The following VWA5B1 variants were observed in gnomAD, a reference collection of about 807,000 sequenced individuals.
The protein encoded by VWA5B1 is von Willebrand factor A domain-containing protein 5B1.
In VWA5B1, 115 loss-of-function variants were observed where a neutral mutation model predicts 118.2. The observed-to-expected ratio is 0.97, with a 90% confidence interval of 0.84 to 1.14. VWA5B1 has a LOEUF of 1.14. VWA5B1 is among the 50% of genes most tolerant of loss of function. VWA5B1 has a pLI of 0.00. For synonymous variants in VWA5B1, 682 were observed against 658.4 expected (o/e 1.04, Z -0.55); for missense variants, 1,596 against 1,603.8 (o/e 1.00, Z 0.08).
intron 12 of VWA5B1, among the ~76,000 whole-genome samples, chr1:20,334,814 GA>G (rs1334210320): frequency 6.6e-6 from 1 of 150,632 alleles, no homozygotes; most frequent in East Asian, 1.9e-4. Flanking sequence ...CTGTCTCCAA[GA>G]AAAAAAAATT....
chr1:20,331,442 G>T (rs1489503594), intron 11 of VWA5B1, among the ~76,000 whole-genome samples: 2 of 152,238 alleles, frequency 1.3e-5, no homozygotes, highest in Admixed American at 1.3e-4. Flanking sequence ...AGTAAACAAA[G>T]ACAGGGCTGG....
At position 20,311,200 on chromosome 1, in the gene VWA5B1, T is replaced by C. The variant is rs2088838212; in HGVS notation, c.139+460T>C. ...GTTGCCCAGTCTGGTCTCAAACTCCTGAGCTCAAGCAATCCACCCACCTCG... is the reference window on the plus strand; with the variant it reads ...GTTGCCCAGTCTGGTCTCAAACTCCCGAGCTCAAGCAATCCACCCACCTCG... On this transcript the variant is annotated intron_variant, in intron 2 of 21. Coordinates refer to ENST00000289815, the MANE Select transcript of VWA5B1 (RefSeq NM_001039500.3). 2.0e-5 allele frequency among the ~76,000 whole-genome samples: 3 copies of C among 152,208 alleles called. No homozygotes were observed. In the South Asian group the frequency reaches 6.2e-4, roughly 31 times the overall value.
Position 20,343,347 on chromosome 1 carries a change from C to G in VWA5B1, c.2580C>G (p.Ile860Met), listed in dbSNP as rs1314460474. 9.7e-6 allele frequency: 15 copies of G among 1,541,370 alleles called. No homozygotes were observed. The highest frequency in any genetic ancestry group is 1.3e-5 in the Non-Finnish European group (15 of 1,144,868). ...ACCACCTGGCGGCCCGCGCCATCAT[C>G]CGCGACTTCGAGCAGCTGGCGGAGC... ...TFHHLAARAI[I>M]RDFEQLAERE... The change falls in exon 16 of 22, where the codon ATC (isoleucine) becomes ATG (methionine). Residue 860 changes from isoleucine to methionine, a missense_variant. Ile to Met is a conservative substitution (Grantham distance 10, BLOSUM62 1). Coordinates refer to ENST00000289815, the MANE Select transcript of VWA5B1 (RefSeq NM_001039500.3).
In VWA5B1 at chr1:20,354,264, T is replaced by C. The variant is rs1345154028; in HGVS notation, c.*1T>C. 16 of 1,533,348 alleles carry C rather than the reference T, an allele frequency of 1.0e-5. No homozygotes were observed. Among genetic ancestry groups the C allele is most frequent in the Admixed American group, 5.9e-5 (3 of 50,446 alleles). 95.0% of individuals were successfully genotyped at this position (1,533,348 alleles called of 1,614,324 possible). ...CTGCTATAACCCGAATTATGTGTAG[T>C]TGAGTGACGGGGAGGCTGGGTGGAG... is the stretch of plus-strand genomic sequence containing the variant. On this transcript the variant is annotated 3_prime_UTR_variant, in exon 22 of 22. Transcript: ENST00000289815.
chr1:20,314,994 C>T (rs75673742), intron 4 of VWA5B1, among the ~76,000 whole-genome samples: 1,899 of 152,234 alleles, frequency 0.012, 13 homozygotes, highest in Middle Eastern at 0.027. Flanking sequence ...CATTATACAA[C>T]GATTAACACA....
At chr1:20,320,927 G>A (rs995236845) in intron 7 of VWA5B1, among the ~76,000 whole-genome samples, 9 of 152,092 alleles carry the variant, frequency 5.9e-5, no homozygotes, top group African/African-American at 1.2e-4. Context: ...GCGGCTTCAC[G>A]TGGGAGAGAG....
chr1:20,319,462 G>A lies in VWA5B1; in HGVS notation c.922G>A (p.Asp308Asn), dbSNP rs1557843971. ...EFDQHLKGRTDFIKGMKKKSR... is the reference protein window; with the variant it reads ...EFDQHLKGRTNFIKGMKKKSR... The stretch of plus-strand genomic sequence containing the variant: ...TGACCAGCACTTGAAGGGAAGAACA[G>A]ATTTCATTAAAGGGATGAAGAAGAA... Residue 308 changes from aspartate to asparagine, a missense_variant, in exon 7 of 22, where the codon GAT (aspartate) becomes AAT (asparagine). Physicochemically the swap from Asp to Asn is conservative, Grantham distance 23 (BLOSUM62 1). Coordinates refer to ENST00000289815, the MANE Select transcript of VWA5B1 (RefSeq NM_001039500.3). The A allele has an allele frequency of 6.4e-7, 1 of 1,551,808 alleles. No homozygotes were observed. The highest frequency in any genetic ancestry group is 8.7e-7 in the Non-Finnish European group (1 of 1,147,020).
chr1:20,343,847 C>G (rs1345543056), intron 16 of VWA5B1, among the ~76,000 whole-genome samples: 2 of 88,474 alleles, frequency 2.3e-5, no homozygotes, highest in Non-Finnish European at 4.5e-5. Context: ...GCCCACTGCC[C>G]GCCCACTCGC....
intron 1 of VWA5B1, among the ~76,000 whole-genome samples, chr1:20,304,724 G>A (rs1387957368): frequency 2.6e-5 from 4 of 152,122 alleles, no homozygotes; most frequent in Non-Finnish European, 5.9e-5. Context: ...ACTCGCTCAG[G>A]CAGAGGTGAC....
Position 20,350,380 on chromosome 1 carries a change from T to A in VWA5B1, c.2953+150T>A. On this transcript the variant is annotated intron_variant, in intron 19 of 21. Transcript: ENST00000289815. The stretch of plus-strand genomic sequence containing the variant: ...GCATGGGGAATAGGATTATCCCCAA[T>A]TGAAAGATGAGGAACAGGTGCAAAG... 8.9e-6 allele frequency: 8 copies of A among 901,060 alleles called. No homozygotes were observed. The South Asian group carries it at 1.1e-4, about 13-fold the overall frequency. The allele number at this position is 901,060 out of a possible 1,614,324, so 55.8% of individuals were successfully genotyped here.
chr1:20,307,064 T>C (rs1197764929), intron 1 of VWA5B1, among the ~76,000 whole-genome samples: 1 of 152,088 alleles, frequency 6.6e-6, no homozygotes, highest in Non-Finnish European at 1.5e-5. Context: ...CCAGCTCTTT[T>C]CCAGATGTAG....
At position 20,330,300 on chromosome 1, in the gene VWA5B1, CTCCTCTTCGTGA is replaced by C; in HGVS notation, c.1378_1389del (p.Leu460_Ile463del). 3 of 1,551,806 alleles carry C rather than the reference CTCCTCTTCGTGA, an allele frequency of 1.9e-6. No individual in the cohort carries two copies. The highest frequency in any genetic ancestry group is 2.6e-6 in the Non-Finnish European group (3 of 1,147,042). ...GCCAGTGCACCGAGGCCACCCGCGG[CTCCTCTTCGTGA>C]TCACAGATGGCGCTGTCAACAACAC... On this transcript the variant is annotated inframe_deletion, in exon 10 of 22. Transcript: ENST00000289815.
chr1:20,344,719 C>T (rs1243142353), intron 16 of VWA5B1, among the ~76,000 whole-genome samples: 1 of 152,004 alleles, frequency 6.6e-6, no homozygotes, highest in African/African-American at 2.4e-5. Context: ...ATTTCTTTGT[C>T]GTGGGTTTTG....
Position 20,314,732 on chromosome 1 carries a change from C to T in VWA5B1, c.563+140C>T, listed in dbSNP as rs1021880441. On this transcript the variant is annotated intron_variant, in intron 4 of 21. Transcript: ENST00000289815. ...GCTCTACGATTGCCACCCTCTGAGC[C>T]ATTTGCTTCTCCCCTGCTCACTTTT... 5 of 1,413,872 alleles carry T rather than the reference C, an allele frequency of 3.5e-6. No individual in the cohort carries two copies. The African/African-American group carries it at 4.3e-5, about 12-fold the overall frequency. The allele number at this position is 1,413,872 out of a possible 1,614,324, so 87.6% of individuals were successfully genotyped here. A position where few individuals can be genotyped will look rare whatever the true frequency, so the allele number is the denominator to read the frequency against.
At position 20,348,277 on chromosome 1, in the gene VWA5B1, C is replaced by G. The variant is rs1208148610; in HGVS notation, c.2797C>G (p.Leu933Val). 1 of 1,551,734 alleles carries G rather than the reference C, an allele frequency of 6.4e-7. No individual in the cohort carries two copies. Among genetic ancestry groups the G allele is most frequent in the Non-Finnish European group, 8.7e-7 (1 of 1,147,016 alleles). ...AALRMLGSRA[L>V]AQQWRGTSSG... ...CCTGCGTATGCTTGGCTCTCGGGCC[C>G]TGGCCCAACAGTGGAGGGGCACCTC... Residue 933 changes from leucine to valine, a missense_variant, in exon 18 of 22, where the codon CTG becomes GTG. Coordinates refer to ENST00000289815, the MANE Select transcript of VWA5B1 (RefSeq NM_001039500.3).
At chr1:20,298,235 T>C (rs950485826) in intron 1 of VWA5B1, among the ~76,000 whole-genome samples, 1 of 151,668 alleles carries the variant, frequency 6.6e-6, no homozygotes, top group African/African-American at 2.4e-5. Flanking sequence ...CTCAAACTCC[T>C]GGCCTCAAGC....
chr1:20,328,396 T>C (rs1161912855), intron 9 of VWA5B1, among the ~76,000 whole-genome samples: 1 of 151,714 alleles, frequency 6.6e-6, no homozygotes, highest in Non-Finnish European at 1.5e-5. Flanking sequence ...GGGGAGTGAA[T>C]AGGTGGATGA....
intron 14 of VWA5B1, among the ~76,000 whole-genome samples, chr1:20,341,691 G>C (rs1390715312): frequency 6.6e-6 from 1 of 152,164 alleles, no homozygotes; most frequent in African/African-American, 2.4e-5. Flanking sequence ...TCTTTGTCAT[G>C]ACTATTGCAA....
chr1:20,348,975 T>G (rs2090067533), intron 18 of VWA5B1: 1 of 234,552 alleles, frequency 4.3e-6, no homozygotes, highest in Non-Finnish European at 9.0e-6. Context: ...CCTAACCCCT[T>G]TCTAGGTTCC....
Sources: allele counts gnomAD v4.1 joint callset (sites outside exome capture counted in the v4.1 genomes callset), GRCh38; gene constraint gnomAD v4.1.1; transcripts MANE v1.5; gene names NCBI Gene and HGNC (gene_info 2026-07-23, HGNC 2026-07-21).